SNCAIP: variants seen among roughly 807,000 people sequenced by gnomAD.
SNCAIP encodes synuclein alpha interacting protein, also known as synphilin-1.
Under a neutral mutation model 86.7 loss-of-function variants are expected in SNCAIP, and 43 were observed. The observed-to-expected ratio is 0.50, with a 90% CI of 0.39 to 0.64. The LOEUF is 0.64. Ranked by LOEUF, SNCAIP falls within the 30% of genes least tolerant of loss-of-function variation. The pLI is 0.00. For missense variants in SNCAIP, 981 were observed against 1,103.1 expected (o/e 0.89, Z 1.57); for synonymous variants, 417 against 427.2 (o/e 0.98, Z 0.29).
chr5:122,453,063 A>C, intron 10 of SNCAIP: 1 of 983,200 alleles, frequency 1.0e-6, no homozygotes. Context: ...TGAGCTTTTA[A>C]ATCATGGACT....
intron 2 of SNCAIP, among the ~76,000 whole-genome samples, chr5:122,391,744 G>A (rs1282757979): frequency 6.6e-6 from 1 of 152,204 alleles, no homozygotes; most frequent in Non-Finnish European, 1.5e-5. Flanking sequence ...ATCCTGTAAT[G>A]CTGTGGGCTG....
At chr5:122,317,932 C>T (rs1233904653) in intron 1 of SNCAIP, among the ~76,000 whole-genome samples, 2 of 151,996 alleles carry the variant, frequency 1.3e-5, no homozygotes, top group Non-Finnish European at 2.9e-5. Flanking sequence ...ACAAATGCTG[C>T]CTTCAGTCTC....
Position 122,449,878 on chromosome 5 carries a change from A to G in SNCAIP, c.1626A>G (p.Gln542=). Residue 542 remains glutamine (Q), a synonymous_variant, in exon 9 of 11, where the codon CAA becomes CAG. Coordinates refer to ENST00000261368, the MANE Select transcript of SNCAIP (RefSeq NM_005460.4). Reference sequence around the variant, plus strand: ...TAGAACGTGTCACGCTGCAGAACCAACTCCAACAATTTCTAGAAGCCCAGA... The same window carrying G: ...TAGAACGTGTCACGCTGCAGAACCAGCTCCAACAATTTCTAGAAGCCCAGA... ...QTVERVTLQN[Q]LQQFLEAQKS... The G allele has an allele frequency of 6.2e-7, 1 of 1,613,946 alleles. No homozygotes were observed. Among genetic ancestry groups the G allele is most frequent in the Non-Finnish European group, 8.5e-7 (1 of 1,179,926 alleles).
chr5:122,380,014 GTC>G (rs1054609230), intron 1 of SNCAIP, among the ~76,000 whole-genome samples: 1 of 151,616 alleles, frequency 6.6e-6, no homozygotes, highest in African/African-American at 2.4e-5. Context: ...TTTTGGTTGT[GTC>G]TCTGCCCGGC....
chr5:122,438,894 C>A (rs17149189), intron 6 of SNCAIP, among the ~76,000 whole-genome samples: 31,798 of 152,084 alleles, frequency 0.21, 3,787 homozygotes, highest in South Asian at 0.32. Context: ...TTTGTTCTGC[C>A]TATGGTGGGT....
At chr5:122,410,007 A>G (rs1475426003) in intron 3 of SNCAIP, among the ~76,000 whole-genome samples, 4 of 152,242 alleles carry the variant, frequency 2.6e-5, no homozygotes, top group African/African-American at 4.8e-5. Context: ...AAGAAAATGA[A>G]CACTTCAACC....
At chr5:122,345,519 G>A (rs922733305) in intron 1 of SNCAIP, among the ~76,000 whole-genome samples, 1 of 152,088 alleles carries the variant, frequency 6.6e-6, no homozygotes, top group Non-Finnish European at 1.5e-5. Context: ...CTGTGGCTTG[G>A]AGAGGAGTTG....
intron 1 of SNCAIP, among the ~76,000 whole-genome samples, chr5:122,383,963 G>A (rs1232105974): frequency 6.6e-6 from 1 of 152,214 alleles, no homozygotes; most frequent in Non-Finnish European, 1.5e-5. Context: ...GGTAAGGTGT[G>A]TTAGAGACAC....
At chr5:122,461,973 T>C (rs1359331176) in intron 10 of SNCAIP, among the ~76,000 whole-genome samples, 2 of 152,214 alleles carry the variant, frequency 1.3e-5, no homozygotes, top group South Asian at 2.1e-4. Context: ...CCGGCTTTTA[T>C]AGAGTTTTAT....
chr5:122,347,942 G>GTT (rs2152736633), intron 1 of SNCAIP, among the ~76,000 whole-genome samples: 1 of 151,382 alleles, frequency 6.6e-6, no homozygotes, highest in East Asian at 1.9e-4. Context: ...CCATTTTTTT[G>GTT]TTGGCCTTTG....
chr5:122,328,116 G>A (rs576693216), intron 1 of SNCAIP, among the ~76,000 whole-genome samples: 1 of 152,262 alleles, frequency 6.6e-6, no homozygotes, highest in East Asian at 1.9e-4. Context: ...AATGTTAAAA[G>A]GATAGTTTGA....
In SNCAIP at chr5:122,419,369, G is replaced by A. The variant is rs76856544; in HGVS notation, c.131-3499G>A. On this transcript the variant is annotated intron_variant, in intron 3 of 10. Coordinates refer to ENST00000261368, the MANE Select transcript of SNCAIP (RefSeq NM_005460.4). ...GGCAAATACTTTGCTAAAGCTAAGT[G>A]GCATTCCAAGTGTCAGCTAGATCCG... Among the ~76,000 whole-genome samples, 398 of 152,280 alleles carry A rather than the reference G, an allele frequency of 2.6e-3. 1 individual carries two copies. Among genetic ancestry groups the A allele is most frequent in the Non-Finnish European group, 3.9e-3 (268 of 68,022 alleles).
Position 122,431,994 on chromosome 5 carries a change from G to A in SNCAIP, c.1208G>A (p.Trp403Ter). 1 of 1,597,212 alleles carries A rather than the reference G, an allele frequency of 6.3e-7. No homozygotes were observed. The highest frequency in any genetic ancestry group is 8.6e-7 in the Non-Finnish European group (1 of 1,164,934). The change falls in exon 6 of 11, where the codon TGG becomes TAG. Residue 403 changes from tryptophan to a stop codon, truncating the protein, a stop_gained. Coordinates refer to ENST00000261368, the MANE Select transcript of SNCAIP (RefSeq NM_005460.4). LOFTEE classifies it high-confidence loss of function. ...AATGGTCAGTTGGAGTGCGTACGCT[G>A]GATGGTGAGCGAAACAGAAGCCATT... ...IKNGQLECVR[W>*]MVSETEAIAE...
At chr5:122,454,575 C>G (rs1784340759) in intron 10 of SNCAIP, 1 of 152,672 alleles carries the variant, frequency 6.5e-6, no homozygotes, top group Non-Finnish European at 1.5e-5. Context: ...TATTAGCCCA[C>G]TTCTATTTCA....
At chr5:122,346,635 A>G (rs1418426743) in intron 1 of SNCAIP, among the ~76,000 whole-genome samples, 3 of 152,102 alleles carry the variant, frequency 2.0e-5, no homozygotes, top group Non-Finnish European at 4.4e-5. Context: ...GTAGACTAAT[A>G]GAATTTTAGA....
At chr5:122,320,674 A>C (rs1454675553) in intron 1 of SNCAIP, among the ~76,000 whole-genome samples, 1 of 152,186 alleles carries the variant, frequency 6.6e-6, no homozygotes, top group Admixed American at 6.5e-5. Flanking sequence ...TGACAGAGTC[A>C]GGGGGATATG....
At chr5:122,343,747 T>G (rs1758049845) in intron 1 of SNCAIP, among the ~76,000 whole-genome samples, 1 of 152,202 alleles carries the variant, frequency 6.6e-6, no homozygotes, top group African/African-American at 2.4e-5. Context: ...CTCTGGCTTC[T>G]ACACATTAGA....
intron 10 of SNCAIP, among the ~76,000 whole-genome samples, chr5:122,452,601 T>G (rs1277578467): frequency 6.6e-6 from 1 of 152,226 alleles, no homozygotes; most frequent in Non-Finnish European, 1.5e-5. Context: ...CAAATTCCTC[T>G]GTAAATTGTC....
intron 1 of SNCAIP, among the ~76,000 whole-genome samples, chr5:122,320,622 C>A (rs1331869091): frequency 6.6e-6 from 1 of 152,140 alleles, no homozygotes; most frequent in African/African-American, 2.4e-5. Context: ...CCCTTTCTTC[C>A]CCCAGGATGT....
Sources: allele counts gnomAD v4.1 joint callset (sites outside exome capture counted in the v4.1 genomes callset), GRCh38; gene constraint gnomAD v4.1.1; transcripts MANE v1.5; gene names NCBI Gene and HGNC (gene_info 2026-07-23, HGNC 2026-07-21).